LRCH3: variants seen among roughly 807,000 people sequenced by gnomAD.
LRCH3 encodes leucine rich repeats and calponin homology domain containing 3, also known as DISP complex protein LRCH3.
A neutral mutation model predicts 104.5 loss-of-function variants in LRCH3; 68 were observed. That is an observed-to-expected ratio of 0.65 (90% CI 0.54 to 0.80). The LOEUF (loss-of-function observed/expected upper bound fraction) is 0.80, where lower values mean the gene tolerates loss of function less well. Among genes scored for constraint, LRCH3 ranks in the 30% least tolerant of loss-of-function variants. The pLI, the probability that LRCH3 is intolerant of heterozygous loss-of-function variation, is 0.00. For missense variants in LRCH3, 951 were observed against 953.9 expected (o/e 1.00, Z 0.04); for synonymous variants, 344 against 361.3 (o/e 0.95, Z 0.54).
rs1348405313 is a variant in LRCH3, at chr3:197,880,846, T to C, written c.2209-2695T>C. The C allele has an allele frequency of 2.2e-5, 32 of 1,460,390 alleles. No individual in the cohort carries two copies. The South Asian group carries it at 4.3e-4, about 20-fold the overall frequency. The allele number at this position is 1,460,390 out of a possible 1,614,324, so 90.5% of individuals were successfully genotyped here. A position where few individuals can be genotyped will look rare whatever the true frequency, so the allele number is the denominator to read the frequency against. On this transcript the variant is annotated intron_variant, in intron 20 of 20. Coordinates refer to ENST00000425562, the MANE Select transcript of LRCH3 (RefSeq NM_001365715.1). ...TCAAAGAGCTAACCCATAAAGGAGGTAAATCCTTTCTTTATATTTGCAGAT... is the reference window on the plus strand; with the variant it reads ...TCAAAGAGCTAACCCATAAAGGAGGCAAATCCTTTCTTTATATTTGCAGAT...
chr3:197,876,904 C>T (rs373844506), intron 20 of LRCH3, among the ~76,000 whole-genome samples: 9 of 105,162 alleles, frequency 8.6e-5, no homozygotes, highest in South Asian at 3.9e-4. Flanking sequence ...CCCAACTCAC[C>T]GCACCCATGG....
Position 197,839,318 on chromosome 3 carries a change from T to G in LRCH3, c.1252-3T>G, listed in dbSNP as rs1737436210. On this transcript the variant is annotated splice_polypyrimidine_tract_variant and splice_region_variant and intron_variant, in intron 9 of 20. Coordinates refer to ENST00000425562, the MANE Select transcript of LRCH3 (RefSeq NM_001365715.1). ...ATTTATTTATTTCTGTCCTCTGGCCTAGGGTTCACCAGTAAAGCCAGTAGC... is the reference window on the plus strand; with the variant it reads ...ATTTATTTATTTCTGTCCTCTGGCCGAGGGTTCACCAGTAAAGCCAGTAGC... The G allele has an allele frequency of 1.3e-6, 2 of 1,584,860 alleles. No individual in the cohort carries two copies. Among genetic ancestry groups the G allele is most frequent in the South Asian group, 2.3e-5 (2 of 86,300 alleles).
chr3:197,820,801 C>CT lies in LRCH3; in HGVS notation c.640+377dup, dbSNP rs1734406681. On this transcript the variant is annotated intron_variant, in intron 4 of 20. Coordinates refer to ENST00000425562, the MANE Select transcript of LRCH3 (RefSeq NM_001365715.1). Reference sequence around the variant, plus strand: ...TCTAGCCTGAGCACCAGAAAGAGACCTTTTTTAAAAAAACGGGGTGGGGAG... The same window carrying CT: ...TCTAGCCTGAGCACCAGAAAGAGACCTTTTTTTAAAAAAACGGGGTGGGGAG... Among the ~76,000 whole-genome samples, 3 of 151,504 alleles carry CT rather than the reference C, an allele frequency of 2.0e-5. No homozygotes were observed. In the South Asian group the frequency reaches 6.3e-4, roughly 32 times the overall value.
chr3:197,881,566 CAGG>C (rs147990792), intron 20 of LRCH3: 108,630 of 984,820 alleles, frequency 0.11, 6,267 homozygotes, highest in African/African-American at 0.13. Flanking sequence ...GAAACAGTAG[CAGG>C]AGAAGTATTA....
intron 1 of LRCH3, among the ~76,000 whole-genome samples, chr3:197,814,212 TTAC>T (rs1417114261): frequency 2.0e-4 from 30 of 152,264 alleles, no homozygotes; most frequent in African/African-American, 5.8e-4. Context: ...CAAAAGGCAC[TTAC>T]TTACACGGCA....
chr3:197,791,487 G>A lies in LRCH3; in HGVS notation c.209G>A (p.Arg70Lys), dbSNP rs1730490430. 1 of 1,601,962 alleles carries A rather than the reference G, an allele frequency of 6.2e-7. No individual in the cohort carries two copies. Among genetic ancestry groups the A allele is most frequent in the African/African-American group, 1.4e-5 (1 of 73,674 alleles). The change falls in exon 1 of 21, where the codon AGG (arginine) becomes AAG (lysine). Residue 70 changes from arginine to lysine, a missense_variant. Transcript: ENST00000425562. ...GVLSLSGRKL[R>K]EFPRGAANHD... ...CTGAGCCTGAGCGGCCGGAAACTGA[G>A]GGAGTTTCCCCGGGGAGCGGCCAAC...
At chr3:197,866,368 T>C in intron 17 of LRCH3, 149 bp downstream of exon 17, 1 of 603,490 alleles carries the variant, frequency 1.7e-6, no homozygotes, top group Non-Finnish European at 3.0e-6. Context: ...TCACTGATAC[T>C]AAAGCAGGAA....
intron 4 of LRCH3, among the ~76,000 whole-genome samples, chr3:197,825,731 G>A (rs536599742): frequency 4.6e-5 from 7 of 151,664 alleles, no homozygotes; most frequent in South Asian, 2.1e-4. Flanking sequence ...CGCCTGCCTC[G>A]GCCTCCCAAA....
intron 5 of LRCH3, among the ~76,000 whole-genome samples, chr3:197,828,597 G>A (rs941836688): frequency 6.6e-6 from 1 of 151,218 alleles, no homozygotes; most frequent in African/African-American, 2.4e-5. Context: ...CACCTGCCTC[G>A]GCCTCCCAAA....
intron 20 of LRCH3, among the ~76,000 whole-genome samples, chr3:197,880,202 C>T (rs569412217): frequency 6.6e-6 from 1 of 152,220 alleles, no homozygotes; most frequent in South Asian, 2.1e-4. Context: ...GCCTCGGCCT[C>T]CCAAAGTGCT....
chr3:197,868,942 C>T (rs911686560), intron 17 of LRCH3, among the ~76,000 whole-genome samples: 4 of 152,050 alleles, frequency 2.6e-5, no homozygotes, highest in Non-Finnish European at 5.9e-5. Context: ...ACTGTGCTTA[C>T]GATTTGTGTA....
chr3:197,887,882 A>G lies in LRCH3; in HGVS notation c.*4216A>G, dbSNP rs1043005009. 13 of 153,842 alleles carry G rather than the reference A, an allele frequency of 8.5e-5. 1 individual carries two copies. The South Asian group carries it at 1.7e-3, about 20-fold the overall frequency. The allele number at this position is 153,842 out of a possible 1,614,324, so 9.5% of individuals were successfully genotyped here. On this transcript the variant is annotated 3_prime_UTR_variant, in exon 21 of 21. Transcript: ENST00000425562. ...TTGCCACGTACAGAGATTTTCTGTC[A>G]GCAGTTTCCCAGTATTTCAGACTCA...
In LRCH3 at chr3:197,871,419, G is replaced by A. The variant is rs776972602; in HGVS notation, c.2087G>A (p.Arg696Gln). 23 of 1,613,924 alleles carry A rather than the reference G, an allele frequency of 1.4e-5. No individual in the cohort carries two copies. In the Admixed American group the frequency reaches 1.5e-4, roughly 11 times the overall value. ...CTTTGCCATTTGGCCAATCATGTGC[G>A]ACCTCGATCTGTCCCAAGCATTCAT... is the stretch of plus-strand genomic sequence containing the variant. ...VVLCHLANHV[R>Q]PRSVPSIHVP... The change falls in exon 19 of 21, where the codon CGA (arginine) becomes CAA (glutamine). Residue 696 changes from arginine (R) to glutamine (Q), a missense_variant. Arg to Gln is a conservative substitution (Grantham distance 43). Coordinates refer to ENST00000425562, the MANE Select transcript of LRCH3 (RefSeq NM_001365715.1).
At chr3:197,872,308 G>A (rs1397540247) in intron 19 of LRCH3, among the ~76,000 whole-genome samples, 2 of 145,008 alleles carry the variant, frequency 1.4e-5, no homozygotes, top group Admixed American at 7.0e-5. Flanking sequence ...AGTGAGCCGT[G>A]ATTGTGCCAG....
chr3:197,829,201 G>A (rs1209615774), intron 5 of LRCH3, among the ~76,000 whole-genome samples: 2 of 152,092 alleles, frequency 1.3e-5, no homozygotes, highest in African/African-American at 2.4e-5. Context: ...TATGATTGTT[G>A]GATTCCTAAA....
intron 3 of LRCH3, among the ~76,000 whole-genome samples, chr3:197,819,676 A>AT (rs1734262965): frequency 6.6e-6 from 1 of 152,036 alleles, no homozygotes. Context: ...AGATCGTGCT[A>AT]TTGCACTCCA....
rs922094757 is a variant in LRCH3 at position 197,825,715 on chromosome 3, G to C, written c.641-1163G>C. Among the ~76,000 whole-genome samples the C allele has an allele frequency of 2.0e-5, 3 of 151,838 alleles. No homozygotes were observed. The South Asian group carries it at 6.2e-4, about 32-fold the overall frequency. On this transcript the variant is annotated intron_variant, in intron 4 of 20. Coordinates refer to ENST00000425562, the MANE Select transcript of LRCH3 (RefSeq NM_001365715.1). Reference sequence around the variant, plus strand: ...AGGATGGTCTCGATCTCCTGACCTCGTGATCCGCCTGCCTCGGCCTCCCAA... The same window carrying C: ...AGGATGGTCTCGATCTCCTGACCTCCTGATCCGCCTGCCTCGGCCTCCCAA...
At chr3:197,880,397 G>A in intron 20 of LRCH3, 1 of 778,496 alleles carries the variant, frequency 1.3e-6, no homozygotes, top group Non-Finnish European at 2.1e-6. Context: ...AATGTTACAG[G>A]ATGTGTATAT....
intron 15 of LRCH3, among the ~76,000 whole-genome samples, chr3:197,860,783 T>C (rs934531822): frequency 6.6e-6 from 1 of 152,186 alleles, no homozygotes; most frequent in African/African-American, 2.4e-5. Flanking sequence ...TATTTTTAAA[T>C]GTACAATTAA....
Sources: allele counts gnomAD v4.1 joint callset (sites outside exome capture counted in the v4.1 genomes callset), GRCh38; gene constraint gnomAD v4.1.1; transcripts MANE v1.5; gene names NCBI Gene and HGNC (gene_info 2026-07-23, HGNC 2026-07-21).